SLC6A3: variants seen among roughly 807,000 people sequenced by gnomAD.
SLC6A3 encodes the protein sodium-dependent dopamine transporter.
SLC6A3 carries 19 observed loss-of-function variants against 70.4 expected under a neutral mutation model. The observed-to-expected ratio is 0.27, with a 90% CI of 0.19 to 0.40. The LOEUF is 0.40. SLC6A3 is among the 10% of genes least tolerant of loss of function. The pLI, the probability that SLC6A3 is intolerant of heterozygous loss-of-function variation, is 1.00. For synonymous variants in SLC6A3, 368 were observed against 356.6 expected (o/e 1.03, Z -0.36); for missense variants, 613 against 838.5 (o/e 0.73, Z 3.32).
chr5:1,405,090 G>A lies in SLC6A3; in HGVS notation c.1599+1098C>T, dbSNP rs185279490. ...GTAGTCTGTGTGCTATTAAAAGCCC[G>A]CCCCATGAATCCAGGAACCTTCAAC... On this transcript the variant is annotated intron_variant, in intron 12 of 14. Transcript: ENST00000270349. This position sits in a 1 kb window ranked among gnomAD's most constrained non-coding sequence, Gnocchi z 5.3. Among the ~76,000 whole-genome samples, 2 of 152,276 alleles carry A rather than the reference G, an allele frequency of 1.3e-5. No homozygotes were observed. The highest frequency in any genetic ancestry group is 1.9e-4 in the East Asian group (1 of 5,186).
chr5:1,432,503 T>C lies in SLC6A3; in HGVS notation c.614A>G (p.Asn205Ser), dbSNP rs764502030. ...GDSSGDSSGL[N>S]DTFGTTPAAE... ...AGCAGGTGTGGTCCCAAAAGTGTCG[T>C]TGAGGCCCGAGCTGTCTCCACTGGA... Residue 205 changes from asparagine (N) to serine (S), a missense_variant, in exon 4 of 15, where the codon AAC becomes AGC. Asn to Ser is a conservative substitution (Grantham distance 46). Around this residue, in one of 4 missense-constraint regions of SLC6A3, gnomAD observed 153 missense variants for 249.4 expected, o/e 0.61. Transcript: ENST00000270349. 11 of 1,614,118 alleles carry C rather than the reference T, an allele frequency of 6.8e-6. No homozygotes were observed. Among genetic ancestry groups the C allele is most frequent in the African/African-American group, 1.3e-5 (1 of 74,942 alleles).
At chr5:1,395,957 A>G (rs1480442187) in intron 14 of SLC6A3, among the ~76,000 whole-genome samples, 2 of 152,226 alleles carry the variant, frequency 1.3e-5, no homozygotes, top group South Asian at 4.1e-4. Flanking sequence ...AGCCCACTCT[A>G]AGTGAGTCCC....
intron 4 of SLC6A3, 115 bp from the exon 5 acceptor site, chr5:1,422,129 C>A: frequency 8.7e-7 from 1 of 1,149,808 alleles, no homozygotes. Context: ...AGAAAGCATC[C>A]AGTCTGATGG....
At position 1,420,811 on chromosome 5, in the gene SLC6A3, A is replaced by G. The variant is rs1756418321; in HGVS notation, c.793-108T>C. Reference sequence around the variant, plus strand: ...CCTGACGGCTTGTCCTCTGATTGGGAGGCCCAATTCCCAAACATTTCCTGG... The same window carrying G: ...CCTGACGGCTTGTCCTCTGATTGGGGGGCCCAATTCCCAAACATTTCCTGG... On this transcript the variant is annotated intron_variant, in intron 5 of 14. Coordinates refer to ENST00000270349, the MANE Select transcript of SLC6A3 (RefSeq NM_001044.5). The G allele has an allele frequency of 5.0e-6, 6 of 1,196,624 alleles. No individual in the cohort carries two copies. In the East Asian group the frequency reaches 1.4e-4, roughly 29 times the overall value. 74.1% of individuals were successfully genotyped at this position (1,196,624 alleles called of 1,614,324 possible).
rs1343770699 is a variant in SLC6A3 at position 1,442,902 on chromosome 5, T to A, written c.286+10A>T. 2 of 1,613,952 alleles carry A rather than the reference T, an allele frequency of 1.2e-6. No homozygotes were observed. The highest frequency in any genetic ancestry group is 1.7e-6 in the Non-Finnish European group (2 of 1,179,968). Reference sequence around the variant, plus strand: ...GCCAGCATGCTCAGGGAGGCTGAGATGGGACTTACCGCCACCATTTTTGTA... The same window carrying A: ...GCCAGCATGCTCAGGGAGGCTGAGAAGGGACTTACCGCCACCATTTTTGTA... On this transcript the variant is annotated intron_variant, in intron 2 of 14. Transcript: ENST00000270349. This position sits in a 1 kb window ranked among gnomAD's most constrained non-coding sequence, Gnocchi z 5.0.
At chr5:1,420,531 C>A (rs138111131) in intron 6 of SLC6A3, 38 bp downstream of exon 6, 666 of 1,612,012 alleles carry the variant, frequency 4.1e-4, no homozygotes, top group Admixed American at 3.0e-3. Context: ...ATGCCAGAGC[C>A]CCTGTGGACT....
At chr5:1,422,759 G>C (rs375453685) in intron 4 of SLC6A3, among the ~76,000 whole-genome samples, 229 of 32,786 alleles carry the variant, frequency 7.0e-3, no homozygotes, top group Admixed American at 8.2e-3. Context: ...GCTGCCCAAG[G>C]TGCTGGGTGC....
chr5:1,424,005 A>C (rs1756522696), intron 4 of SLC6A3, among the ~76,000 whole-genome samples: 1 of 152,192 alleles, frequency 6.6e-6, no homozygotes, highest in Non-Finnish European at 1.5e-5. Flanking sequence ...GCCATGTCCC[A>C]GGAATTCGGC....
intron 6 of SLC6A3, among the ~76,000 whole-genome samples, chr5:1,420,324 T>G (rs1364120117): frequency 6.6e-6 from 1 of 152,196 alleles, no homozygotes; most frequent in Non-Finnish European, 1.5e-5. Context: ...CTCCAAATAT[T>G]TTAACCCTGA....
At position 1,421,006 on chromosome 5, in the gene SLC6A3, C is replaced by T. The variant is rs776447219; in HGVS notation, c.793-303G>A. Among the ~76,000 whole-genome samples, 11 of 152,122 alleles carry T rather than the reference C, an allele frequency of 7.2e-5. 1 individual carries two copies. The highest frequency in any genetic ancestry group is 4.1e-4 in the South Asian group (2 of 4,828). ...AGTGGCTGATGGGGGTTTTCTGATGCGTGGGACGTGAGTGGATTCACACTG... is the reference window on the plus strand; with the variant it reads ...AGTGGCTGATGGGGGTTTTCTGATGTGTGGGACGTGAGTGGATTCACACTG... On this transcript the variant is annotated intron_variant, in intron 5 of 14. Coordinates refer to ENST00000270349, the MANE Select transcript of SLC6A3 (RefSeq NM_001044.5). This position sits in a 1 kb window ranked among gnomAD's most constrained non-coding sequence, Gnocchi z 7.2.
chr5:1,433,599 CCATCCACAGCCATCCACAGT>C (rs1374974870), intron 3 of SLC6A3, among the ~76,000 whole-genome samples: 1 of 151,986 alleles, frequency 6.6e-6, no homozygotes, highest in East Asian at 1.9e-4. Context: ...AACCATCCAT[CCATCCACAGCCATCCACAGT>C]CATCCATGGC....
At position 1,411,375 on chromosome 5, in the gene SLC6A3, G is replaced by T; in HGVS notation, c.1157-20C>A. 6.6e-7 allele frequency: 1 copy of T among 1,524,570 alleles called. No homozygotes were observed. The highest frequency in any genetic ancestry group is 1.2e-5 in the South Asian group (1 of 83,504). The allele number at this position is 1,524,570 out of a possible 1,614,324, so 94.4% of individuals were successfully genotyped here. ...CTGGCCCTGAAACAGAACCCGCCCT[G>T]CTTGCCACAGAGCCCACGCTGTGCT... On this transcript the variant is annotated intron_variant, in intron 8 of 14. Transcript: ENST00000270349. This position sits in a 1 kb window ranked among gnomAD's most constrained non-coding sequence, Gnocchi z 6.5.
chr5:1,409,643 C>T (rs771810447), intron 10 of SLC6A3, 78 bp downstream of exon 10: 1 of 1,558,522 alleles, frequency 6.4e-7, no homozygotes, highest in Non-Finnish European at 8.8e-7. Flanking sequence ...TCTGGCCTGA[C>T]AGTCCCAGCC....
intron 3 of SLC6A3, among the ~76,000 whole-genome samples, chr5:1,439,783 AACC>A (rs1483595338): frequency 6.6e-6 from 1 of 152,256 alleles, no homozygotes; most frequent in East Asian, 1.9e-4. Context: ...ATCCTCCCTG[AACC>A]ACCAGCCCCT....
Position 1,410,880 on chromosome 5 carries a change from A to G in SLC6A3, c.1269+363T>C, listed in dbSNP as rs560858848. ...TATGTGTGCGTGTGTGCATGTGTGT[A>G]TGTGTGTGCATGCATGTGCATGGTG... is the stretch of plus-strand genomic sequence containing the variant. On this transcript the variant is annotated intron_variant, in intron 9 of 14. Transcript: ENST00000270349. 2.5e-3 allele frequency among the ~76,000 whole-genome samples: 368 copies of G among 149,674 alleles called. 3 individuals are homozygous for G. The highest frequency in any genetic ancestry group is 8.6e-3 in the African/African-American group (349 of 40,626).
rs760385170 is a variant in SLC6A3 at position 1,408,203 on chromosome 5, ATT to A, written c.1498+821_1498+822del. On this transcript the variant is annotated intron_variant, in intron 11 of 14. Transcript: ENST00000270349. The surrounding 1 kb of genome is among the most constrained non-coding windows in gnomAD (Gnocchi z 6.4). ...AGCCTTGTGCCACCACACCCGGCTA[ATT>A]TTTTTTTTTTTTTTTTTTAGTAAAG... Among the ~76,000 whole-genome samples the A allele has an allele frequency of 3.1e-4, 41 of 131,454 alleles. No homozygotes were observed. The highest frequency in any genetic ancestry group is 3.1e-4 in the Admixed American group (4 of 12,942). The allele number at this position is 131,454 out of a possible 152,430, so 86.2% of individuals were successfully genotyped here.
At chr5:1,444,006 T>A (rs1165321915) in intron 1 of SLC6A3, among the ~76,000 whole-genome samples, 1 of 152,182 alleles carries the variant, frequency 6.6e-6, no homozygotes, top group Non-Finnish European at 1.5e-5. Context: ...GCTTGTATTG[T>A]TTATACTCAG....
At chr5:1,430,253 C>T (rs562392130) in intron 4 of SLC6A3, among the ~76,000 whole-genome samples, 25 of 152,284 alleles carry the variant, frequency 1.6e-4, no homozygotes, top group African/African-American at 4.3e-4. Flanking sequence ...CACCGTCCTC[C>T]TCAGAGTTCG....
At chr5:1,443,298 G>A in intron 1 of SLC6A3, 56 bp from the exon 2 acceptor site, 1 of 1,374,584 alleles carries the variant, frequency 7.3e-7, no homozygotes, top group South Asian at 1.2e-5. Context: ...TCAGCAGCCA[G>A]GGCTAGGGAC....
Sources: gnomAD v4.1 joint callset for allele counts (sites outside exome capture counted in the v4.1 genomes callset) on GRCh38, gnomAD v4.1.1 for gene constraint, gnomAD v4.1.1 regional missense constraint, Gnocchi (gnomAD v3.1) non-coding constraint, MANE v1.5 for transcripts, NCBI Gene and HGNC (gene_info 2026-07-23, HGNC 2026-07-21) for gene names.